Variants in CDC25B observed in about 807,000 individuals in gnomAD.
CDC25B encodes the protein M-phase inducer phosphatase 2.
In CDC25B, 33 loss-of-function variants were observed where a neutral mutation model predicts 69.8. The observed-to-expected ratio is 0.47, with a 90% CI of 0.36 to 0.63. The LOEUF (loss-of-function observed/expected upper bound fraction) is 0.63, where lower values mean the gene tolerates loss of function less well. Among genes scored for constraint, CDC25B ranks in the 30% least tolerant of loss-of-function variants. CDC25B has a pLI of 0.00. For missense variants in CDC25B, 727 were observed against 809.1 expected (o/e 0.90, Z 1.23); for synonymous variants, 341 against 314.6 (o/e 1.08, Z -0.89).
Position 3,796,613 on chromosome 20 carries a change from C to T in CDC25B, c.82C>T (p.His28Tyr), listed in dbSNP as rs1245846993. Residue 28 changes from histidine (H) to tyrosine (Y), a missense_variant, in exon 1 of 16, where the codon CAC (histidine) becomes TAC (tyrosine). Transcript: ENST00000245960. ...GTGCGGTGGCGCCCAGCGTCCGGGC[C>T]ACCTCCCGGGCCTCCTGCTGGGATC... is the stretch of plus-strand genomic sequence containing the variant. ...GVCGGAQRPG[H>Y]LPGLLLGSHG... 2.8e-6 allele frequency: 4 copies of T among 1,443,488 alleles called. No homozygotes were observed. Among genetic ancestry groups the T allele is most frequent in the Non-Finnish European group, 3.6e-6 (4 of 1,102,788 alleles). The allele number at this position is 1,443,488 out of a possible 1,614,324, so 89.4% of individuals were successfully genotyped here.
intron 1 of CDC25B, chr20:3,787,204 T>A (rs1047442350): frequency 3.1e-6 from 2 of 635,446 alleles, no homozygotes; most frequent in Admixed American, 5.9e-5. Context: ...TTTTTAAAAA[T>A]TTATTATATA....
Position 3,796,471 on chromosome 20 carries a change from C to A in CDC25B, c.-61C>A. ...CCTCCCTCGGCCCAGCCAGCTGTGC[C>A]GGCGTTTGTTGGCTGCCCTGCGCCC... On this transcript the variant is annotated 5_prime_UTR_variant, in exon 1 of 16. Coordinates refer to ENST00000245960, the MANE Select transcript of CDC25B (RefSeq NM_021873.4). 2 of 1,233,066 alleles carry A rather than the reference C, an allele frequency of 1.6e-6. No individual in the cohort carries two copies. Among genetic ancestry groups the A allele is most frequent in the Middle Eastern group, 3.4e-4 (1 of 2,954 alleles). 76.4% of individuals were successfully genotyped at this position (1,233,066 alleles called of 1,614,324 possible).
intron 1 of CDC25B, among the ~76,000 whole-genome samples, chr20:3,788,694 C>T (rs1216785256): frequency 6.6e-6 from 1 of 152,136 alleles, no homozygotes; most frequent in Admixed American, 6.6e-5. Context: ...TGGATGAGAA[C>T]TCCTTGCCAT....
At position 3,804,966 on chromosome 20, in the gene CDC25B, C is replaced by T. The variant is rs2089428395; in HGVS notation, c.*5C>T. 1.2e-6 allele frequency: 2 copies of T among 1,610,802 alleles called. No homozygotes were observed. The highest frequency in any genetic ancestry group is 8.5e-7 in the Non-Finnish European group (1 of 1,179,714). On this transcript the variant is annotated 3_prime_UTR_variant, in exon 16 of 16. Transcript: ENST00000245960. The stretch of plus-strand genomic sequence containing the variant: ...AGCCGGCTGCAGGACCAGTGAGGGG[C>T]CTGCGCCAGTCCTGCTACCTCCCTT...
At chr20:3,802,237 G>A in intron 10 of CDC25B, 44 bp from the exon 11 acceptor site, 1 of 1,568,714 alleles carries the variant, frequency 6.4e-7, no homozygotes, top group Non-Finnish European at 8.7e-7. Context: ...GCACTGGGGG[G>A]CAGCCCCACC....
At position 3,802,367 on chromosome 20, in the gene CDC25B, TTACTC is replaced by T; in HGVS notation, c.1188_1192del (p.Tyr396Ter). The T allele has an allele frequency of 4.4e-6, 7 of 1,605,308 alleles. No homozygotes were observed. The highest frequency in any genetic ancestry group is 5.9e-6 in the Non-Finnish European group (7 of 1,178,442). On this transcript the variant is annotated frameshift_variant, in exon 11 of 16. Coordinates refer to ENST00000245960, the MANE Select transcript of CDC25B (RefSeq NM_021873.4). LOFTEE classifies it high-confidence loss of function. Reference sequence around the variant, plus strand: ...GTGACCACCGAGAGCTGATTGGAGATTACTCTAAGGTACCTGCAGCAGCGAAGGGG... The same window carrying T: ...GTGACCACCGAGAGCTGATTGGAGATTAAGGTACCTGCAGCAGCGAAGGGG...
In CDC25B at chr20:3,804,657, A is replaced by G. The variant is rs1455012842; in HGVS notation, c.1579A>G (p.Lys527Glu). Reference protein sequence around the residue: ...PEMYILKGGYKEFFPQHPNFC... With the variant: ...PEMYILKGGYEEFFPQHPNFC... ...GATGTATATCCTGAAAGGCGGCTAC[A>G]AGGAGTTCTTCCCTCAGCACCCGGT... Residue 527 changes from lysine to glutamate, a missense_variant, in exon 15 of 16, where the codon AAG (lysine) becomes GAG (glutamate). Physicochemically the swap from Lys to Glu is moderately conservative, Grantham distance 56. Around this residue, in one of 2 missense-constraint regions of CDC25B, gnomAD observed 359 missense variants for 463.4 expected, o/e 0.77. Transcript: ENST00000245960. 1.2e-6 allele frequency: 2 copies of G among 1,612,808 alleles called. No homozygotes were observed. Among genetic ancestry groups the G allele is most frequent in the Non-Finnish European group, 1.7e-6 (2 of 1,179,226 alleles).
upstream of CDC25B, among the ~76,000 whole-genome samples, chr20:3,792,652 G>A (rs755194049): frequency 6.6e-6 from 1 of 152,156 alleles, no homozygotes; most frequent in Non-Finnish European, 1.5e-5. Context: ...ATTTTTAGTA[G>A]AGACAGGTTT....
At chr20:3,791,218 A>T (rs2088910730) in intron 1 of CDC25B, among the ~76,000 whole-genome samples, 1 of 152,164 alleles carries the variant, frequency 6.6e-6, no homozygotes, top group South Asian at 2.1e-4. Flanking sequence ...CATCTCCTTA[A>T]GAGAAATGCT....
intron 14 of CDC25B, among the ~76,000 whole-genome samples, chr20:3,804,237 G>A (rs1467200062): frequency 2.0e-5 from 3 of 152,202 alleles, no homozygotes; most frequent in Non-Finnish European, 4.4e-5. Context: ...TTGTCCAGGA[G>A]TGGCCCGAAT....
At chr20:3,800,073 G>A (rs1276381585) in intron 3 of CDC25B, among the ~76,000 whole-genome samples, 1 of 152,054 alleles carries the variant, frequency 6.6e-6, no homozygotes, top group African/African-American at 2.4e-5. Context: ...TTTCATTCAG[G>A]GCAGCCTTTA....
chr20:3,798,380 T>C, intron 2 of CDC25B, 32 bp from the exon 3 acceptor site: 1 of 1,075,294 alleles, frequency 9.3e-7, no homozygotes, highest in Non-Finnish European at 1.3e-6. Context: ...AAAGTGCCAC[T>C]ACTTTCAAAC....
intron 1 of CDC25B, among the ~76,000 whole-genome samples, chr20:3,789,726 A>G (rs1023763846): frequency 3.9e-5 from 6 of 152,144 alleles, no homozygotes; most frequent in African/African-American, 9.7e-5. Flanking sequence ...GCGGTGGCTC[A>G]TGCCTGTAAT....
In CDC25B at chr20:3,796,373, C is replaced by A; in HGVS notation, c.-159C>A. 1 of 1,245,794 alleles carries A rather than the reference C, an allele frequency of 8.0e-7. No individual in the cohort carries two copies. Among genetic ancestry groups the A allele is most frequent in the Non-Finnish European group, 1.0e-6 (1 of 986,910 alleles). The allele number at this position is 1,245,794 out of a possible 1,614,324, so 77.2% of individuals were successfully genotyped here. A position where few individuals can be genotyped will look rare whatever the true frequency, so the allele number is the denominator to read the frequency against. On this transcript the variant is annotated 5_prime_UTR_variant, in exon 1 of 16. Coordinates refer to ENST00000245960, the MANE Select transcript of CDC25B (RefSeq NM_021873.4). ...CGCCCCCCGCCCTCCCCGCATCCCT[C>A]TCCTCCCTCGCGCCTGGCCCTGTGG...
At chr20:3,795,613 C>T, upstream of CDC25B, 1 of 671,102 alleles carries the variant, frequency 1.5e-6, no homozygotes, top group Non-Finnish European at 1.8e-6. Context: ...CTGGGGCTGC[C>T]GCGAAAATTG....
chr20:3,801,694 G>T, intron 8 of CDC25B, 28 bp from the exon 9 acceptor site: 1 of 1,551,400 alleles, frequency 6.4e-7, no homozygotes. Flanking sequence ...TGTGGGTTGT[G>T]ACCCTGTCCT....
At position 3,796,600 on chromosome 20, in the gene CDC25B, C is replaced by G; in HGVS notation, c.69C>G (p.Ala23=). The G allele has an allele frequency of 6.9e-7, 1 of 1,442,002 alleles. No homozygotes were observed. Among genetic ancestry groups the G allele is most frequent in the Non-Finnish European group, 9.1e-7 (1 of 1,101,930 alleles). 89.3% of individuals were successfully genotyped at this position (1,442,002 alleles called of 1,614,324 possible). ...GTCCAGCAGGCGTGTGCGGTGGCGCCCAGCGTCCGGGCCACCTCCCGGGCC... is the reference window on the plus strand; with the variant it reads ...GTCCAGCAGGCGTGTGCGGTGGCGCGCAGCGTCCGGGCCACCTCCCGGGCC... ...ALSPAGVCGG[A]QRPGHLPGLL... is the part of the protein sequence containing the mutation. Residue 23 remains alanine (A), a synonymous_variant, in exon 1 of 16, where the codon GCC becomes GCG. Transcript: ENST00000245960.
intron 2 of CDC25B, among the ~76,000 whole-genome samples, chr20:3,798,145 C>G (rs1274593289): frequency 6.6e-6 from 1 of 152,076 alleles, no homozygotes; most frequent in Non-Finnish European, 1.5e-5. Flanking sequence ...TAAACCAGTT[C>G]AAGAAAAATG....
At chr20:3,802,233 G>A (rs1247932972) in intron 10 of CDC25B, 48 bp from the exon 11 acceptor site, 1 of 1,572,652 alleles carries the variant, frequency 6.4e-7, no homozygotes, top group South Asian at 1.1e-5. Context: ...CAGAGCACTG[G>A]GGGGCAGCCC....
Sources: allele counts gnomAD v4.1 joint callset (sites outside exome capture counted in the v4.1 genomes callset), GRCh38; gene constraint gnomAD v4.1.1; regional missense constraint gnomAD v4.1.1; transcripts MANE v1.5; gene names NCBI Gene and HGNC (gene_info 2026-07-23, HGNC 2026-07-21).